Variants in SLC4A4 observed in about 807,000 individuals in gnomAD.
SLC4A4 encodes solute carrier family 4 member 4.
Under a neutral mutation model 111.5 loss-of-function variants are expected in SLC4A4, and 27 were observed. The ratio of observed to expected loss-of-function variants is 0.24; its 90% CI spans 0.18 to 0.33. The LOEUF is 0.33. Among genes scored for constraint, SLC4A4 ranks in the 10% least tolerant of loss-of-function variants. The pLI is 1.00. For synonymous variants in SLC4A4, 443 were observed against 463.4 expected (o/e 0.96, Z 0.57); for missense variants, 909 against 1,315.5 (o/e 0.69, Z 4.78).
intron 6 of SLC4A4, among the ~76,000 whole-genome samples, chr4:71,371,513 G>A (rs1731883625): frequency 6.6e-6 from 1 of 151,618 alleles, no homozygotes; most frequent in Non-Finnish European, 1.5e-5. Flanking sequence ...CAAAGCTCTG[G>A]GATTACAGAT....
intron 3 of SLC4A4, among the ~76,000 whole-genome samples, chr4:71,292,806 A>G (rs901606767): frequency 6.6e-6 from 1 of 151,548 alleles, no homozygotes; most frequent in South Asian, 2.1e-4. Context: ...AGTTATGATC[A>G]CATAGTGTGA....
intron 21 of SLC4A4, 103 bp from the exon 22 acceptor site, chr4:71,557,609 C>T: frequency 1.7e-6 from 2 of 1,195,292 alleles, no homozygotes; most frequent in East Asian, 2.4e-5. Flanking sequence ...GAAAAGGACA[C>T]TGCTTGCCTA....
intron 1 of SLC4A4, among the ~76,000 whole-genome samples, chr4:71,216,401 A>G (rs1246751226): frequency 6.6e-6 from 1 of 152,166 alleles, no homozygotes; most frequent in Non-Finnish European, 1.5e-5. Context: ...CATTACACAA[A>G]CAGGTCTGTA....
At chr4:71,413,859 G>C (rs1243539795) in intron 7 of SLC4A4, among the ~76,000 whole-genome samples, 1 of 152,132 alleles carries the variant, frequency 6.6e-6, no homozygotes, top group African/African-American at 2.4e-5. Flanking sequence ...AAGGGTGGTT[G>C]TTCCTTTTCC....
intron 2 of SLC4A4, among the ~76,000 whole-genome samples, chr4:71,181,520 T>A (rs1745293333): frequency 6.6e-6 from 1 of 152,054 alleles, no homozygotes; most frequent in African/African-American, 2.4e-5. Flanking sequence ...ACAGATAGAG[T>A]CCCAATGTTA....
At chr4:71,083,737 T>A (rs1290751150) in intron 1 of SLC4A4, among the ~76,000 whole-genome samples, 3 of 151,562 alleles carry the variant, frequency 2.0e-5, no homozygotes, top group Non-Finnish European at 4.4e-5. Flanking sequence ...CCAGCTTCAC[T>A]CCGTTCTAGT....
At chr4:71,194,983 T>C (rs1745920921) in intron 1 of SLC4A4, among the ~76,000 whole-genome samples, 1 of 152,180 alleles carries the variant, frequency 6.6e-6, no homozygotes, top group African/African-American at 2.4e-5. Flanking sequence ...GATTTTCAGC[T>C]TTGGCTTGAT....
chr4:71,430,769 T>C (rs1723571659), intron 7 of SLC4A4, among the ~76,000 whole-genome samples: 1 of 152,136 alleles, frequency 6.6e-6, no homozygotes, highest in Non-Finnish European at 1.5e-5. Flanking sequence ...GACAGTCCTG[T>C]GCCCTTTCAA....
rs146251474 is a variant in SLC4A4 at position 71,453,156 on chromosome 4, G to A, written c.1323-339G>A. 4.2e-3 allele frequency among the ~76,000 whole-genome samples: 637 copies of A among 152,242 alleles called. 2 individuals are homozygous for A. Among genetic ancestry groups the A allele is most frequent in the Non-Finnish European group, 6.9e-3 (467 of 68,026 alleles). ...ATGAGGGTGGAAAGGGTACTATGGCGAGATGATGAAGGGCCTTTATATGAT... is the reference window on the plus strand; with the variant it reads ...ATGAGGGTGGAAAGGGTACTATGGCAAGATGATGAAGGGCCTTTATATGAT... On this transcript the variant is annotated intron_variant, in intron 11 of 25. Coordinates refer to ENST00000264485, the MANE Select transcript of SLC4A4 (RefSeq NM_001098484.3).
intron 2 of SLC4A4, among the ~76,000 whole-genome samples, chr4:71,095,378 CTGTGCTCTCCCTTTTATATGGA>C (rs1365578012): frequency 6.6e-6 from 1 of 152,222 alleles, no homozygotes; most frequent in Non-Finnish European, 1.5e-5. Context: ...AACAAATGGA[CTGTGCTCTCCCTTTTATATGGA>C]CAGCACCAGG....
intron 12 of SLC4A4, among the ~76,000 whole-genome samples, chr4:71,465,463 C>T (rs530761659): frequency 6.6e-6 from 1 of 150,540 alleles, no homozygotes; most frequent in South Asian, 2.2e-4. Context: ...TACACATGTG[C>T]TTGTCTATAG....
intron 1 of SLC4A4, among the ~76,000 whole-genome samples, chr4:71,205,091 T>G (rs550601381): frequency 6.6e-6 from 1 of 152,288 alleles, no homozygotes; most frequent in African/African-American, 2.4e-5. Context: ...ATACCTACAT[T>G]AGCCAGACTA....
intron 2 of SLC4A4, among the ~76,000 whole-genome samples, chr4:71,101,163 G>A (rs966922632): frequency 1.3e-5 from 2 of 152,194 alleles, no homozygotes; most frequent in African/African-American, 4.8e-5. Context: ...GGAGGCTGAG[G>A]CAGGAGAATG....
At chr4:71,291,105 C>T (rs959808091) in intron 3 of SLC4A4, among the ~76,000 whole-genome samples, 1 of 152,148 alleles carries the variant, frequency 6.6e-6, no homozygotes, top group Non-Finnish European at 1.5e-5. Flanking sequence ...TAAGAAACAA[C>T]AGTCTAGTTG....
intron 7 of SLC4A4, among the ~76,000 whole-genome samples, chr4:71,407,689 G>C (rs184595621): frequency 6.6e-6 from 1 of 152,112 alleles, no homozygotes; most frequent in East Asian, 1.9e-4. Flanking sequence ...AAAAGACTTA[G>C]TTCATCTAAT....
In SLC4A4 at chr4:71,339,049, G is replaced by T. The variant is rs533445519; in HGVS notation, c.254-321G>T. 72 of 1,495,898 alleles carry T rather than the reference G, an allele frequency of 4.8e-5. 2 individuals carry two copies. The South Asian group carries it at 9.0e-4, about 19-fold the overall frequency. The allele number at this position is 1,495,898 out of a possible 1,614,324, so 92.7% of individuals were successfully genotyped here. On this transcript the variant is annotated intron_variant, in intron 3 of 25. Coordinates refer to ENST00000264485, the MANE Select transcript of SLC4A4 (RefSeq NM_001098484.3). ...TATAATTTTGGATGAGTCATAAGTG[G>T]AGAAGGAGGGGAAGTGAGTGGTTAG...
At chr4:71,160,723 C>A (rs1418852242) in intron 2 of SLC4A4, among the ~76,000 whole-genome samples, 2 of 151,674 alleles carry the variant, frequency 1.3e-5, no homozygotes, top group Non-Finnish European at 2.9e-5. Flanking sequence ...TCTAAGAAAG[C>A]AAATCAATGA....
intron 3 of SLC4A4, among the ~76,000 whole-genome samples, chr4:71,287,596 A>G (rs1724018935): frequency 6.6e-6 from 1 of 152,212 alleles, no homozygotes; most frequent in Admixed American, 6.5e-5. Context: ...TGTGTTTTAA[A>G]TCAGAAATTT....
chr4:71,103,918 A>G (rs1431833369), intron 2 of SLC4A4, among the ~76,000 whole-genome samples: 2 of 117,782 alleles, frequency 1.7e-5, no homozygotes, highest in African/African-American at 3.3e-5. Context: ...AAATAACTAA[A>G]ATCAGAGCAG....
Sources: allele counts gnomAD v4.1 joint callset (sites outside exome capture counted in the v4.1 genomes callset), GRCh38; gene constraint gnomAD v4.1.1; transcripts MANE v1.5; gene names NCBI Gene and HGNC (gene_info 2026-07-23, HGNC 2026-07-21).